CHN1: variants seen among roughly 807,000 people sequenced by gnomAD.
CHN1 encodes the protein N-chimaerin.
A neutral mutation model predicts 59.5 loss-of-function variants in CHN1; 37 were observed. The observed-to-expected ratio is 0.62, with a 90% CI of 0.48 to 0.82. The LOEUF is 0.82. Among genes scored for constraint, CHN1 ranks in the 40% least tolerant of loss-of-function variants. The pLI, the probability that CHN1 is intolerant of heterozygous loss-of-function variation, is 0.00. For synonymous variants in CHN1, 206 were observed against 200.4 expected, an observed-to-expected ratio of 1.03 and a Z score of -0.24; for missense variants, 469 against 571.0, an observed-to-expected ratio of 0.82 and a Z score of 1.82.
intron 5 of CHN1, among the ~76,000 whole-genome samples, chr2:174,897,482 T>TC (rs771446851): frequency 1.3e-5 from 2 of 150,796 alleles, no homozygotes; most frequent in Non-Finnish European, 3.0e-5. Context: ...TTCAGATAGG[T>TC]CTTAGACGTG....
At chr2:174,995,076 A>G (rs1691664448) in intron 1 of CHN1, among the ~76,000 whole-genome samples, 1 of 152,228 alleles carries the variant, frequency 6.6e-6, no homozygotes, top group Non-Finnish European at 1.5e-5. Flanking sequence ...AGGTACATGT[A>G]TACAGTGACA....
chr2:174,798,985 G>A lies in CHN1; in HGVS notation c.*1131C>T, dbSNP rs372140581. Among the ~76,000 whole-genome samples the A allele has an allele frequency of 3.9e-5, 6 of 152,242 alleles. No homozygotes were observed. The highest frequency in any genetic ancestry group is 3.8e-4 in the East Asian group (2 of 5,204). Reference sequence around the variant, plus strand: ...TCTGGGCTCCTGGCCCCTAGCTGCAGACCCCTTCTCCAGCCACCAGGTTGG... The same window carrying A: ...TCTGGGCTCCTGGCCCCTAGCTGCAAACCCCTTCTCCAGCCACCAGGTTGG... On this transcript the variant is annotated 3_prime_UTR_variant, in exon 13 of 13. Transcript: ENST00000409900.
chr2:174,809,141 G>A (rs1684996001), intron 10 of CHN1, 99 bp from the exon 11 acceptor site: 4 of 1,109,470 alleles, frequency 3.6e-6, no homozygotes, highest in Non-Finnish European at 5.0e-6. Flanking sequence ...TTAAAGATTA[G>A]CAATTCTTCA....
At chr2:174,876,767 T>G (rs1687577020) in intron 6 of CHN1, among the ~76,000 whole-genome samples, 1 of 152,176 alleles carries the variant, frequency 6.6e-6, no homozygotes, top group African/African-American at 2.4e-5. Context: ...GTCAGATGGC[T>G]GCTATATAAT....
intron 6 of CHN1, among the ~76,000 whole-genome samples, chr2:174,849,157 G>A (rs1364307540): frequency 6.6e-6 from 1 of 152,038 alleles, no homozygotes; most frequent in African/African-American, 2.4e-5. Context: ...GAGTATTTTT[G>A]ATCAACATCC....
intron 5 of CHN1, 32 bp from the exon 6 acceptor site, chr2:174,878,160 A>C: frequency 1.3e-6 from 2 of 1,510,822 alleles, no homozygotes; most frequent in Non-Finnish European, 1.8e-6. Context: ...GATGTTTTTA[A>C]GAAAAGTAAG....
chr2:174,837,163 T>A (rs1402813019), intron 7 of CHN1: 2 of 152,070 alleles, frequency 1.3e-5, no homozygotes, highest in Non-Finnish European at 2.9e-5. Context: ...AAAAACACAC[T>A]GAAGTAATAC....
chr2:174,830,853 A>G (rs1685856919), intron 7 of CHN1, among the ~76,000 whole-genome samples: 1 of 152,158 alleles, frequency 6.6e-6, no homozygotes, highest in Non-Finnish European at 1.5e-5. Flanking sequence ...CACATACTTA[A>G]CCACACAAGT....
chr2:174,906,302 T>C (rs1480710524), intron 5 of CHN1, among the ~76,000 whole-genome samples: 11 of 152,152 alleles, frequency 7.2e-5, no homozygotes, highest in Admixed American at 7.2e-4. Flanking sequence ...TACTTATACA[T>C]GCCACAACAT....
chr2:174,847,634 G>T, intron 6 of CHN1: 2 of 1,320,722 alleles, frequency 1.5e-6, no homozygotes. Context: ...CACAAGGAAG[G>T]CTGCATTAGA....
chr2:174,970,232 T>C (rs535409163), intron 1 of CHN1, among the ~76,000 whole-genome samples: 2 of 152,304 alleles, frequency 1.3e-5, no homozygotes, highest in East Asian at 1.9e-4. Flanking sequence ...AGTATGATGG[T>C]TGTCTTGAAG....
At chr2:174,806,720 T>C (rs188120216) in intron 11 of CHN1, among the ~76,000 whole-genome samples, 1 of 152,304 alleles carries the variant, frequency 6.6e-6, no homozygotes. Flanking sequence ...CTCGGCAGGA[T>C]TCATGGCACC....
At chr2:174,855,962 T>C (rs1686886749) in intron 6 of CHN1, among the ~76,000 whole-genome samples, 1 of 152,142 alleles carries the variant, frequency 6.6e-6, no homozygotes, top group Non-Finnish European at 1.5e-5. Flanking sequence ...CCTCTCATAT[T>C]ATCTGTTATT....
intron 12 of CHN1, 97 bp from the exon 13 acceptor site, chr2:174,800,384 T>C (rs1451279995): frequency 2.9e-5 from 28 of 957,504 alleles, no homozygotes; most frequent in Non-Finnish European, 1.9e-5. Flanking sequence ...AATAAAAGTT[T>C]GCGTCCGCTT....
At chr2:174,915,597 T>C (rs1044393514) in intron 4 of CHN1, among the ~76,000 whole-genome samples, 1 of 152,174 alleles carries the variant, frequency 6.6e-6, no homozygotes, top group Non-Finnish European at 1.5e-5. Context: ...GCTGAGTCTA[T>C]GTTGGCAATT....
chr2:174,910,744 AT>A (rs1349237483), intron 5 of CHN1, among the ~76,000 whole-genome samples: 5 of 152,232 alleles, frequency 3.3e-5, no homozygotes, highest in Middle Eastern at 3.4e-3. Flanking sequence ...GAAAGTAGAT[AT>A]CAAAATTAGC....
intron 1 of CHN1, among the ~76,000 whole-genome samples, chr2:174,976,988 T>C (rs948337241): frequency 6.6e-6 from 1 of 152,354 alleles, no homozygotes; most frequent in African/African-American, 2.4e-5. Flanking sequence ...AAATCCTTCC[T>C]GTTGAATGAC....
intron 5 of CHN1, among the ~76,000 whole-genome samples, chr2:174,887,518 T>G (rs748140147): frequency 6.6e-6 from 1 of 152,148 alleles, no homozygotes; most frequent in African/African-American, 2.4e-5. Context: ...CCTCATCTTA[T>G]AGATAAGGAA....
intron 5 of CHN1, among the ~76,000 whole-genome samples, chr2:174,910,899 C>CAAAAA (rs10568066): frequency 3.8e-4 from 29 of 76,594 alleles, no homozygotes; most frequent in African/African-American, 6.9e-4. Context: ...GACTCCGTCT[C>CAAAAA]AAAAAAAAAA....
Sources: gnomAD v4.1 joint callset for allele counts (sites outside exome capture counted in the v4.1 genomes callset) on GRCh38, gnomAD v4.1.1 for gene constraint, MANE v1.5 for transcripts, NCBI Gene and HGNC (gene_info 2026-07-23, HGNC 2026-07-21) for gene names.